HIVEP1: variants seen among roughly 807,000 people sequenced by gnomAD.
HIVEP1 encodes the protein HIVEP zinc finger 1, also known as zinc finger protein 40.
In HIVEP1, 36 loss-of-function variants were observed where a neutral mutation model predicts 180.0. The observed-to-expected ratio is 0.20, with a 90% CI of 0.15 to 0.26. The LOEUF (loss-of-function observed/expected upper bound fraction) is 0.26, where lower values mean the gene tolerates loss of function less well. Among genes scored for constraint, HIVEP1 ranks in the 10% least tolerant of loss-of-function variants. HIVEP1 has a pLI of 1.00. For missense variants in HIVEP1, 3,143 were observed against 3,268.7 expected, an observed-to-expected ratio of 0.96 and a Z score of 0.94; for synonymous variants, 1,239 against 1,239.0, an observed-to-expected ratio of 1.00 and a Z score of 0.00.
At chr6:12,011,699 C>T (rs1410553018), upstream of HIVEP1, among the ~76,000 whole-genome samples, 2 of 149,240 alleles carry the variant, frequency 1.3e-5, no homozygotes, top group African/African-American at 2.4e-5. Context: ...CTGGGGCCCG[C>T]CCCGCCGGGG....
chr6:12,077,943 A>G (rs1196814513), intron 2 of HIVEP1, among the ~76,000 whole-genome samples: 1 of 152,216 alleles, frequency 6.6e-6, no homozygotes. Context: ...ACAGAATGCG[A>G]TGGAGTACCA....
the HIVEP1 span, among the ~76,000 whole-genome samples, chr6:12,184,812 AGT>A: frequency 6.6e-6 from 1 of 152,210 alleles, no homozygotes; most frequent in Admixed American, 6.5e-5. Flanking sequence ...TCAGCTGAAA[AGT>A]GATATGTATT....
intron 7 of HIVEP1, among the ~76,000 whole-genome samples, chr6:12,157,541 T>C (rs924399253): frequency 1.3e-5 from 2 of 152,244 alleles, no homozygotes; most frequent in Non-Finnish European, 2.9e-5. Context: ...TAGACTTTAC[T>C]GCAGTTTATA....
chr6:12,134,231 T>C (rs1581756659), intron 6 of HIVEP1, among the ~76,000 whole-genome samples: 2 of 152,226 alleles, frequency 1.3e-5, no homozygotes, highest in East Asian at 3.8e-4. Flanking sequence ...GCTTCATATT[T>C]TTTTCAGTAT....
intron 2 of HIVEP1, among the ~76,000 whole-genome samples, chr6:12,020,832 ACT>A (rs920345026): frequency 6.6e-5 from 10 of 150,396 alleles, no homozygotes; most frequent in African/African-American, 9.8e-5. Context: ...GGCTCCGAAC[ACT>A]CTGCAAAAAA....
chr6:12,102,151 T>C (rs369239692), intron 3 of HIVEP1, among the ~76,000 whole-genome samples: 4 of 152,136 alleles, frequency 2.6e-5, no homozygotes, highest in East Asian at 1.9e-4. Flanking sequence ...ACAATAACAG[T>C]TGGAGACTTC....
At chr6:12,100,877 C>T (rs1774075146) in intron 3 of HIVEP1, among the ~76,000 whole-genome samples, 1 of 151,978 alleles carries the variant, frequency 6.6e-6, no homozygotes, top group Non-Finnish European at 1.5e-5. Context: ...GATGCTCAGC[C>T]GGCAAGTATA....
chr6:12,171,207 C>G, the HIVEP1 span, among the ~76,000 whole-genome samples: 8 of 152,176 alleles, frequency 5.3e-5, no homozygotes, highest in Non-Finnish European at 1.0e-4. Context: ...AGTAGAAATA[C>G]GTTATTTATT....
At chr6:12,152,267 G>A (rs1304018772) in intron 7 of HIVEP1, among the ~76,000 whole-genome samples, 2 of 152,176 alleles carry the variant, frequency 1.3e-5, no homozygotes, top group African/African-American at 4.8e-5. Flanking sequence ...GTATCACAGA[G>A]TCATATATGA....
chr6:12,099,814 A>G (rs187226107), intron 3 of HIVEP1, among the ~76,000 whole-genome samples: 4 of 151,562 alleles, frequency 2.6e-5, no homozygotes, highest in African/African-American at 9.8e-5. Flanking sequence ...ACAGTGCGTT[A>G]TTATTGCTTT....
At chr6:12,065,669 TTGTG>T (rs68050049) in intron 2 of HIVEP1, among the ~76,000 whole-genome samples, 22 of 143,202 alleles carry the variant, frequency 1.5e-4, no homozygotes, top group Middle Eastern at 6.7e-3. Flanking sequence ...CAGGTAGGTT[TTGTG>T]TGTGTGTGTG....
chr6:12,151,023 T>C (rs1455246632), intron 7 of HIVEP1, among the ~76,000 whole-genome samples: 2 of 152,164 alleles, frequency 1.3e-5, no homozygotes, highest in Non-Finnish European at 2.9e-5. Context: ...TTCCAGCAGG[T>C]GTCACTGTCT....
intron 2 of HIVEP1, among the ~76,000 whole-genome samples, chr6:12,077,910 T>G (rs1772478372): frequency 6.6e-6 from 1 of 152,190 alleles, no homozygotes; most frequent in Non-Finnish European, 1.5e-5. Context: ...TGGATGTGTT[T>G]GTATCTGTAG....
chr6:12,094,622 A>G (rs1240235510), intron 3 of HIVEP1, among the ~76,000 whole-genome samples: 1 of 151,974 alleles, frequency 6.6e-6, no homozygotes, highest in Non-Finnish European at 1.5e-5. Flanking sequence ...TTTAAAAGTG[A>G]CTTACGTATC....
chr6:12,021,846 GT>G (rs1176119761), intron 2 of HIVEP1, among the ~76,000 whole-genome samples: 1 of 151,998 alleles, frequency 6.6e-6, no homozygotes, highest in African/African-American at 2.4e-5. Context: ...TGTATTTTTA[GT>G]AGAGACTGGG....
At chr6:12,011,749 C>A (rs964992108), upstream of HIVEP1, among the ~76,000 whole-genome samples, 171 of 148,650 alleles carry the variant, frequency 1.2e-3, no homozygotes, top group African/African-American at 4.0e-3. Context: ...CCGGGCCGGG[C>A]GCCCATCCAG....
chr6:12,123,215 C>A lies in HIVEP1; in HGVS notation c.3420C>A (p.Asn1140Lys), dbSNP rs1561968608. Residue 1140 changes from asparagine (N) to lysine (K), a missense_variant, in exon 4 of 9, where the codon AAC becomes AAA. By Grantham distance (94) the Asn-to-Lys change is moderately conservative. Around this residue, in one of 12 missense-constraint regions of HIVEP1, gnomAD observed 1,357 missense variants for 1,260.5 expected, o/e 1.08. Transcript: ENST00000379388. ...GAATCTCTGTCATCCAGCACACCAA[C>A]TCCCTGAGCAGGCCCAACTCATTTG... ...GTGISVIQHT[N>K]SLSRPNSFDK... The A allele has an allele frequency of 6.2e-7, 1 of 1,614,196 alleles. No individual in the cohort carries two copies. Among genetic ancestry groups the A allele is most frequent in the African/African-American group, 1.3e-5 (1 of 75,046 alleles).
At chr6:12,109,697 C>G (rs767499634) in intron 3 of HIVEP1, among the ~76,000 whole-genome samples, 21 of 152,212 alleles carry the variant, frequency 1.4e-4, no homozygotes, top group Non-Finnish European at 2.8e-4. Flanking sequence ...TCTTGAATCC[C>G]TCAAAGTCAT....
chr6:12,139,163 G>C (rs978045615), intron 7 of HIVEP1, among the ~76,000 whole-genome samples: 1 of 151,938 alleles, frequency 6.6e-6, no homozygotes, highest in African/African-American at 2.4e-5. Flanking sequence ...TGACTCATTT[G>C]GAGCACTGGT....
Sources: gnomAD v4.1 joint callset for allele counts (sites outside exome capture counted in the v4.1 genomes callset) on GRCh38, gnomAD v4.1.1 for gene constraint, gnomAD v4.1.1 regional missense constraint, MANE v1.5 for transcripts, NCBI Gene and HGNC (gene_info 2026-07-23, HGNC 2026-07-21) for gene names.